The following CELF4 variants were observed in gnomAD, a reference collection of about 807,000 sequenced individuals.
The protein encoded by CELF4 is CUG-BP- and ETR-3-like factor 4.
In CELF4, 18 loss-of-function variants were observed where a neutral mutation model predicts 59.9. That is an observed-to-expected ratio of 0.30 (90% CI 0.21 to 0.45). CELF4 has a LOEUF of 0.45. Among genes scored for constraint, CELF4 ranks in the 20% least tolerant of loss-of-function variants. CELF4 has a pLI of 1.00. For missense variants in CELF4, 456 were observed against 689.0 expected, an observed-to-expected ratio of 0.66 and a Z score of 3.79; for synonymous variants, 261 against 267.1, an observed-to-expected ratio of 0.98 and a Z score of 0.22.
intron 2 of CELF4, among the ~76,000 whole-genome samples, chr18:37,361,379 G>C (rs542218427): frequency 6.6e-6 from 1 of 152,164 alleles, no homozygotes; most frequent in Non-Finnish European, 1.5e-5. Flanking sequence ...GCTGCCTGAC[G>C]GGTTCCTGTT....
At chr18:37,305,860 A>T (rs768201660) in intron 3 of CELF4, 1 of 152,268 alleles carries the variant, frequency 6.6e-6, no homozygotes, top group Non-Finnish European at 1.5e-5. Flanking sequence ...TGGTCAACTT[A>T]GTGCTTTGAT....
At position 37,370,631 on chromosome 18, in the gene CELF4, A is replaced by G. The variant is rs1266965330; in HGVS notation, c.370-48750T>C. Among the ~76,000 whole-genome samples the G allele has an allele frequency of 2.6e-5, 4 of 152,246 alleles. No individual in the cohort carries two copies. In the East Asian group the frequency reaches 5.8e-4, roughly 22 times the overall value. ...AGTAGCATGCTTTTAATGTTTGCCT[A>G]AAATCTGACTGCTTGTACTTTCCGC... On this transcript the variant is annotated intron_variant, in intron 2 of 12. Transcript: ENST00000420428.
At chr18:37,534,707 G>A (rs958046469) in intron 1 of CELF4, among the ~76,000 whole-genome samples, 1 of 152,094 alleles carries the variant, frequency 6.6e-6, no homozygotes, top group Non-Finnish European at 1.5e-5. Flanking sequence ...TCATTTAAAG[G>A]ATGCAAAATA....
chr18:37,402,103 C>T (rs1172327386), intron 2 of CELF4, among the ~76,000 whole-genome samples: 1 of 152,234 alleles, frequency 6.6e-6, no homozygotes, highest in African/African-American at 2.4e-5. Context: ...CATCTGGACT[C>T]TACCTCTGGG....
At chr18:37,512,435 T>C (rs1161986723) in intron 1 of CELF4, among the ~76,000 whole-genome samples, 1 of 150,304 alleles carries the variant, frequency 6.7e-6, no homozygotes, top group East Asian at 2.0e-4. Flanking sequence ...TTCTCCCTCC[T>C]CCCCCTTTTT....
chr18:37,392,239 G>A (rs2099170591), intron 2 of CELF4, among the ~76,000 whole-genome samples: 1 of 152,190 alleles, frequency 6.6e-6, no homozygotes, highest in African/African-American at 2.4e-5. Context: ...CTCCGTCACG[G>A]AGAGAAGACC....
At chr18:37,439,271 G>A (rs2099703921) in intron 2 of CELF4, among the ~76,000 whole-genome samples, 1 of 152,214 alleles carries the variant, frequency 6.6e-6, no homozygotes, top group Non-Finnish European at 1.5e-5. Flanking sequence ...ATACAATCTG[G>A]AAGTACTTGG....
chr18:37,291,054 C>T (rs2095300800), intron 3 of CELF4, among the ~76,000 whole-genome samples: 1 of 152,214 alleles, frequency 6.6e-6, no homozygotes, highest in Admixed American at 6.5e-5. Context: ...GGATTACAGG[C>T]ATGTGCCACG....
chr18:37,372,528 T>C (rs1258343496), intron 2 of CELF4, among the ~76,000 whole-genome samples: 1 of 152,042 alleles, frequency 6.6e-6, no homozygotes, highest in Non-Finnish European at 1.5e-5. Flanking sequence ...AAATACCTAA[T>C]GTAAACGACA....
chr18:37,389,393 T>C (rs1050793942), intron 2 of CELF4, among the ~76,000 whole-genome samples: 2 of 152,224 alleles, frequency 1.3e-5, no homozygotes, highest in Non-Finnish European at 2.9e-5. Flanking sequence ...CTAGACTTTA[T>C]GACAATGGAA....
At chr18:37,381,786 G>A (rs1261816198) in intron 2 of CELF4, among the ~76,000 whole-genome samples, 3 of 152,112 alleles carry the variant, frequency 2.0e-5, no homozygotes, top group African/African-American at 4.8e-5. Flanking sequence ...CTCTCCCTCT[G>A]GCTTGGCCCA....
chr18:37,257,260 G>A (rs1192030559), intron 11 of CELF4, among the ~76,000 whole-genome samples: 3 of 152,154 alleles, frequency 2.0e-5, no homozygotes, highest in African/African-American at 7.2e-5. Context: ...CAGCAGAGGC[G>A]CCCAGAGCTT....
intron 2 of CELF4, among the ~76,000 whole-genome samples, chr18:37,334,686 G>A (rs1297570465): frequency 6.6e-6 from 1 of 152,010 alleles, no homozygotes; most frequent in Admixed American, 6.5e-5. Context: ...TCCACGGCCA[G>A]GAGAGGTGTC....
intron 1 of CELF4, among the ~76,000 whole-genome samples, chr18:37,521,688 A>C (rs959884125): frequency 2.6e-5 from 4 of 152,110 alleles, no homozygotes; most frequent in Non-Finnish European, 5.9e-5. Context: ...CCCGCGTGAC[A>C]TTTTCAGCAG....
At chr18:37,318,980 C>T (rs535164506) in intron 3 of CELF4, among the ~76,000 whole-genome samples, 39 of 152,284 alleles carry the variant, frequency 2.6e-4, no homozygotes, top group African/African-American at 9.4e-4. Flanking sequence ...GTGGGATCTC[C>T]CACCTTCAAG....
chr18:37,362,246 C>CAGCTCT (rs2098714913), intron 2 of CELF4, among the ~76,000 whole-genome samples: 1 of 152,042 alleles, frequency 6.6e-6, no homozygotes, highest in Non-Finnish European at 1.5e-5. Flanking sequence ...GCTCCAGCTC[C>CAGCTCT]AGCTCTAGCT....
At chr18:37,292,494 G>A (rs993196083) in intron 3 of CELF4, among the ~76,000 whole-genome samples, 15 of 152,158 alleles carry the variant, frequency 9.9e-5, no homozygotes, top group Non-Finnish European at 2.1e-4. Flanking sequence ...GTGGGTGGAG[G>A]GGGTGTCCCA....
intron 2 of CELF4, among the ~76,000 whole-genome samples, chr18:37,464,682 T>C (rs2187049): frequency 0.73 from 111,007 of 151,960 alleles, 41,883 homozygotes; most frequent in South Asian, 0.89. Context: ...CTGTGGGTCA[T>C]GGAGCAGCCC....
At chr18:37,296,829 G>A (rs1893455) in intron 3 of CELF4, among the ~76,000 whole-genome samples, 72,942 of 151,974 alleles carry the variant, frequency 0.48, 17,917 homozygotes, top group South Asian at 0.62. Context: ...TGTCAGTCTC[G>A]GCTAGGTGGC....
Sources: allele counts gnomAD v4.1 joint callset (sites outside exome capture counted in the v4.1 genomes callset), GRCh38; gene constraint gnomAD v4.1.1; transcripts MANE v1.5; gene names NCBI Gene and HGNC (gene_info 2026-07-23, HGNC 2026-07-21).